The following IL9R variants were observed in gnomAD, a reference collection of about 807,000 sequenced individuals.
The protein encoded by IL9R is interleukin 9 receptor, also known as interleukin-9 receptor.
A neutral mutation model predicts 56.3 loss-of-function variants in IL9R; 54 were observed. That is an observed-to-expected ratio of 0.96 (90% CI 0.77 to 1.20). The LOEUF (loss-of-function observed/expected upper bound fraction) is 1.20, where lower values mean the gene tolerates loss of function less well. Among genes scored for constraint, IL9R ranks in the 50% most tolerant of loss-of-function variants. The probability of loss-of-function intolerance (pLI) is 0.00; values close to 1 mark genes in which losing one functional copy is unlikely to be tolerated. For missense variants in IL9R, 545 were observed against 629.8 expected (o/e 0.87, Z 1.44); for synonymous variants, 212 against 250.2 (o/e 0.85, Z 1.44).
Position 155,997,803 on chromosome X carries a change from G to A in IL9R, c.28+16G>A. 1 of 1,611,706 alleles carries A rather than the reference G, an allele frequency of 6.2e-7. No homozygotes were observed. Among genetic ancestry groups the A allele is most frequent in the African/African-American group, 1.3e-5 (1 of 74,980 alleles). On this transcript the variant is annotated intron_variant, in intron 1 of 8. Transcript: ENST00000244174. ...ATCTGGGAAGGTGAGTCTGTGCTTTGGGCTTCCCAACCTCTCAAGTCAGCA... is the reference window on the plus strand; with the variant it reads ...ATCTGGGAAGGTGAGTCTGTGCTTTAGGCTTCCCAACCTCTCAAGTCAGCA...
intron 4 of IL9R, 118 bp from the exon 5 acceptor site, chrX:156,004,302 G>C: frequency 9.8e-7 from 1 of 1,023,630 alleles, no homozygotes. Flanking sequence ...GAGGTGCCTG[G>C]TCTGAGAGGG....
At chrX:155,998,053 G>T (rs1887511714) in intron 1 of IL9R, among the ~76,000 whole-genome samples, 1 of 152,092 alleles carries the variant, frequency 6.6e-6, no homozygotes, top group Non-Finnish European at 1.5e-5. Context: ...CACTGAGTTT[G>T]TCAGGCAGAA....
chrX:156,007,460 T>C, intron 7 of IL9R, 63 bp from the exon 8 acceptor site: 1 of 851,392 alleles, frequency 1.2e-6, no homozygotes, highest in Non-Finnish European at 2.0e-6. Flanking sequence ...AAGCTCAGCC[T>C]CTGCAGTGAC....
In IL9R at chrX:156,004,686, G is replaced by A. The variant is rs1359959022; in HGVS notation, c.579+121G>A. The A allele has an allele frequency of 1.1e-5, 11 of 1,008,786 alleles. No homozygotes were observed. The Admixed American group carries it at 1.5e-4, about 14-fold the overall frequency. The allele number at this position is 1,008,786 out of a possible 1,614,324, so 62.5% of individuals were successfully genotyped here. A position where few individuals can be genotyped will look rare whatever the true frequency, so the allele number is the denominator to read the frequency against. ...GTGATGAGAAGGGAGGAACTAGAGC[G>A]GGGTGTGTGTGCACACACACATGCT... On this transcript the variant is annotated intron_variant, in intron 5 of 8. Coordinates refer to ENST00000244174, the MANE Select transcript of IL9R (RefSeq NM_002186.3).
intron 4 of IL9R, 83 bp downstream of exon 4, chrX:156,003,938 G>A (rs1364428084): frequency 2.2e-5 from 31 of 1,383,274 alleles, no homozygotes; most frequent in Non-Finnish European, 2.8e-5. Flanking sequence ...GGGCCTTGCA[G>A]CCTGTGAGTG....
chrX:156,006,382 C>T (rs1034604937), intron 7 of IL9R, among the ~76,000 whole-genome samples, 194 bp downstream of exon 7: 2 of 148,524 alleles, frequency 1.3e-5, no homozygotes, highest in Admixed American at 1.3e-4. Flanking sequence ...TTTCGAGTCT[C>T]CACCCTGGTC....
At chrX:156,002,847 G>A (rs2067625846) in intron 1 of IL9R, 59 bp from the exon 2 acceptor site, 1 of 1,611,592 alleles carries the variant, frequency 6.2e-7, no homozygotes, top group Non-Finnish European at 8.5e-7. Flanking sequence ...GCAATTCATG[G>A]GGAGCACCCC....
rs765691673 is a variant in IL9R, at chrX:156,004,484, G to C, written c.498G>C (p.Trp166Cys). The C allele has an allele frequency of 6.2e-7, 1 of 1,613,804 alleles. No homozygotes were observed. Among genetic ancestry groups the C allele is most frequent in the South Asian group, 1.1e-5 (1 of 91,052 alleles). The change falls in exon 5 of 9, where the codon TGG becomes TGC. Residue 166 changes from tryptophan to cysteine, a missense_variant. Transcript: ENST00000244174. ...NISSGHCILT[W>C]SISPALEPMT... ...GTTCTGGCCACTGCATCCTGACCTG[G>C]AGCATCAGTCCTGCCTTGGAGCCAA...
intron 1 of IL9R, 46 bp from the exon 2 acceptor site, chrX:156,002,860 C>T: frequency 6.2e-7 from 1 of 1,612,402 alleles, no homozygotes; most frequent in Admixed American, 1.7e-5. Context: ...AGCACCCCTC[C>T]AGAGAGGGAT....
In IL9R at chrX:156,005,420, A is replaced by G; in HGVS notation, c.722A>G (p.Tyr241Cys). 1.2e-6 allele frequency: 2 copies of G among 1,613,190 alleles called. No homozygotes were observed. Among genetic ancestry groups the G allele is most frequent in the Non-Finnish European group, 1.7e-6 (2 of 1,179,822 alleles). Residue 241 changes from tyrosine (Y) to cysteine (C), a missense_variant, in exon 6 of 9, where the codon TAT becomes TGT. Tyr to Cys is a radical substitution (Grantham distance 194). Transcript: ENST00000244174. ...LEDDVVEEER[Y>C]TGQWSEWSQP... Reference sequence around the variant, plus strand: ...GATGATGTGGTAGAGGAGGAGCGTTATACAGGCCAGTGGAGTGAGTGGAGC... The same window carrying G: ...GATGATGTGGTAGAGGAGGAGCGTTGTACAGGCCAGTGGAGTGAGTGGAGC...
At chrX:156,002,516 T>C (rs2067602961) in intron 1 of IL9R, among the ~76,000 whole-genome samples, 1 of 152,160 alleles carries the variant, frequency 6.6e-6, no homozygotes, top group African/African-American at 2.4e-5. Context: ...TAGTGACCAG[T>C]TCCCCCAACC....
In IL9R at chrX:156,002,929, C is replaced by A. The variant is rs1462122786; in HGVS notation, c.52C>A (p.Leu18Met). The change falls in exon 2 of 9, where the codon CTG (leucine) becomes ATG (methionine). Residue 18 changes from leucine to methionine, a missense_variant. Around this residue, in one of 2 missense-constraint regions of IL9R, gnomAD observed 431 missense variants for 360.0 expected, o/e 1.20. Transcript: ENST00000244174. ...AGGCTGGACCTTGGAGAGTGAGGCC[C>A]TGAGGCGAGACATGGGCACCTGGCT... ...WEGWTLESEALRRDMGTWLLA... is the reference protein window; with the variant it reads ...WEGWTLESEAMRRDMGTWLLA... 1 of 1,613,796 alleles carries A rather than the reference C, an allele frequency of 6.2e-7. No individual in the cohort carries two copies. Among genetic ancestry groups the A allele is most frequent in the Non-Finnish European group, 8.5e-7 (1 of 1,179,854 alleles).
intron 1 of IL9R, among the ~76,000 whole-genome samples, chrX:156,002,403 C>T (rs3093490): frequency 0.014 from 2,176 of 152,262 alleles, 52 homozygotes; most frequent in African/African-American, 0.049. Context: ...GTCATTTCCC[C>T]TCCTTGGGAC....
At chrX:156,005,217 C>T (rs186559594) in intron 5 of IL9R, 61 bp from the exon 6 acceptor site, 1 of 1,359,376 alleles carries the variant, frequency 7.4e-7, no homozygotes, top group Non-Finnish European at 1.1e-6. Context: ...TGTGTGTATT[C>T]TCGAGGGCTG....
chrX:155,998,903 T>C (rs1014505480), intron 1 of IL9R, among the ~76,000 whole-genome samples: 2 of 151,986 alleles, frequency 1.3e-5, no homozygotes, highest in African/African-American at 4.8e-5. Context: ...TGGGTACCTC[T>C]TCACCAAGAC....
At chrX:156,004,260 C>A in intron 4 of IL9R, 160 bp from the exon 5 acceptor site, 1 of 681,408 alleles carries the variant, frequency 1.5e-6, no homozygotes, top group South Asian at 1.9e-5. Context: ...TGTCCTGTCC[C>A]GCCTGGGGCT....
chrX:156,002,020 GTCTT>G (rs1471487509), intron 1 of IL9R, among the ~76,000 whole-genome samples: 1 of 152,130 alleles, frequency 6.6e-6, no homozygotes, highest in East Asian at 1.9e-4. Context: ...AGTTGGATGG[GTCTT>G]TATTTAAGAG....
chrX:155,997,790 G>A lies in IL9R; in HGVS notation c.28+3G>A, dbSNP rs1461464606. ...ACTGGGCAGATGCATCTGGGAAGGT[G>A]AGTCTGTGCTTTGGGCTTCCCAACC... On this transcript the variant is annotated splice_donor_region_variant and intron_variant, in intron 1 of 8. Transcript: ENST00000244174. The A allele has an allele frequency of 1.9e-6, 3 of 1,613,226 alleles. No individual in the cohort carries two copies. Among genetic ancestry groups the A allele is most frequent in the Non-Finnish European group, 2.5e-6 (3 of 1,179,422 alleles).
rs749288081 is a variant in IL9R at position 156,004,523 on chromosome X, C to G, written c.537C>G (p.Leu179=). ...SPALEPMTTL[L]SYELAFKKQE... Reference sequence around the variant, plus strand: ...CCTTGGAGCCAATGACCACACTTCTCAGCTATGAGCTGGCCTTCAAGAAGC... The same window carrying G: ...CCTTGGAGCCAATGACCACACTTCTGAGCTATGAGCTGGCCTTCAAGAAGC... Residue 179 remains leucine, a synonymous_variant, in exon 5 of 9, where the codon CTC becomes CTG. Coordinates refer to ENST00000244174, the MANE Select transcript of IL9R (RefSeq NM_002186.3). The G allele has an allele frequency of 2.5e-6, 4 of 1,613,288 alleles. No individual in the cohort carries two copies. The highest frequency in any genetic ancestry group is 3.4e-6 in the Non-Finnish European group (4 of 1,179,872).
Sources: allele counts gnomAD v4.1 joint callset (sites outside exome capture counted in the v4.1 genomes callset), GRCh38; gene constraint gnomAD v4.1.1; regional missense constraint gnomAD v4.1.1; transcripts MANE v1.5; gene names NCBI Gene and HGNC (gene_info 2026-07-23, HGNC 2026-07-21).